CWC27: variants seen among roughly 807,000 people sequenced by gnomAD.
The protein encoded by CWC27 is CWC27 spliceosome associated cyclophilin, also known as spliceosome-associated protein CWC27 homolog.
A neutral mutation model predicts 63.6 loss-of-function variants in CWC27; 47 were observed. The observed-to-expected ratio is 0.74, with a 90% CI of 0.58 to 0.94. The LOEUF is 0.94. CWC27 is among the 40% of genes least tolerant of loss of function. The probability of loss-of-function intolerance (pLI) is 0.00; values close to 1 mark genes in which losing one functional copy is unlikely to be tolerated. For synonymous variants in CWC27, 175 were observed against 179.8 expected, an observed-to-expected ratio of 0.97 and a Z score of 0.22; for missense variants, 495 against 554.3, an observed-to-expected ratio of 0.89 and a Z score of 1.07.
At chr5:65,000,253 A>C (rs1178844767) in intron 13 of CWC27, among the ~76,000 whole-genome samples, 1 of 152,076 alleles carries the variant, frequency 6.6e-6, no homozygotes, top group Admixed American at 6.5e-5. Flanking sequence ...CTGGGTGAAT[A>C]GTTCATAAAT....
At chr5:65,000,451 AG>A (rs1263189336) in intron 13 of CWC27, among the ~76,000 whole-genome samples, 1 of 151,918 alleles carries the variant, frequency 6.6e-6, no homozygotes, top group Non-Finnish European at 1.5e-5. Context: ...ATAGTTTTAT[AG>A]TTTCAGGTCT....
rs1287018387 is a variant in CWC27, at chr5:64,777,228, G to A, written c.139+2441G>A. On this transcript the variant is annotated intron_variant, in intron 2 of 13. Coordinates refer to ENST00000381070, the MANE Select transcript of CWC27 (RefSeq NM_005869.4). ...TTCACATCATTCTTGTCTCATCATG[G>A]TCCACACTTCATTGCTTATCTTTTA... 2.8e-4 allele frequency among the ~76,000 whole-genome samples: 43 copies of A among 152,002 alleles called. 1 individual carries two copies. The highest frequency in any genetic ancestry group is 1.5e-5 in the Non-Finnish European group (1 of 67,904).
chr5:64,862,399 C>T (rs545136722), intron 10 of CWC27, among the ~76,000 whole-genome samples: 2 of 152,294 alleles, frequency 1.3e-5, no homozygotes, highest in Admixed American at 1.3e-4. Context: ...AGAAAACACT[C>T]ATATACTTAT....
intron 13 of CWC27, among the ~76,000 whole-genome samples, chr5:65,002,376 T>C (rs1749746497): frequency 6.6e-6 from 1 of 152,146 alleles, no homozygotes; most frequent in Admixed American, 6.5e-5. Flanking sequence ...TTTTGCTTTT[T>C]AATTCCTTGA....
chr5:64,939,970 C>G (rs904034603), intron 11 of CWC27, among the ~76,000 whole-genome samples: 6 of 152,208 alleles, frequency 3.9e-5, no homozygotes, highest in African/African-American at 1.4e-4. Context: ...CCTTCCCCCA[C>G]CAAGCTGGGG....
At chr5:65,005,796 A>G (rs1214032900) in intron 13 of CWC27, among the ~76,000 whole-genome samples, 1 of 152,240 alleles carries the variant, frequency 6.6e-6, no homozygotes, top group South Asian at 2.1e-4. Context: ...AAAATTAAAT[A>G]TTCATAAGGC....
intron 10 of CWC27, among the ~76,000 whole-genome samples, chr5:64,831,903 G>A (rs1182495144): frequency 6.6e-6 from 1 of 151,844 alleles, no homozygotes; most frequent in South Asian, 2.1e-4. Context: ...TCACTCTGTT[G>A]TATGTACTAT....
intron 10 of CWC27, among the ~76,000 whole-genome samples, chr5:64,864,044 G>A (rs895374570): frequency 1.3e-5 from 2 of 152,096 alleles, no homozygotes; most frequent in Non-Finnish European, 2.9e-5. Flanking sequence ...ATTATTTTGA[G>A]ATATGCTTCC....
At chr5:64,815,408 A>C (rs1423980017) in intron 10 of CWC27, among the ~76,000 whole-genome samples, 1 of 152,178 alleles carries the variant, frequency 6.6e-6, no homozygotes, top group Non-Finnish European at 1.5e-5. Context: ...CTGGCTCTTA[A>C]AGCGTCTGCT....
chr5:64,900,272 A>G (rs1747470501), intron 11 of CWC27, among the ~76,000 whole-genome samples: 1 of 152,172 alleles, frequency 6.6e-6, no homozygotes, highest in African/African-American at 2.4e-5. Flanking sequence ...AATAGTTTGC[A>G]GTGTTACTTT....
chr5:64,962,968 A>G (rs1052296792), intron 11 of CWC27, among the ~76,000 whole-genome samples: 5 of 152,120 alleles, frequency 3.3e-5, no homozygotes, highest in Non-Finnish European at 7.4e-5. Flanking sequence ...AAGAGTTTCT[A>G]TTTTGTGAGA....
chr5:64,909,979 G>A (rs1747750004), intron 11 of CWC27, among the ~76,000 whole-genome samples: 1 of 152,178 alleles, frequency 6.6e-6, no homozygotes, highest in Admixed American at 6.5e-5. Flanking sequence ...TGCTGGCAAG[G>A]AGCTGTGATC....
intron 10 of CWC27, chr5:64,807,517 T>G: frequency 7.0e-7 from 1 of 1,437,268 alleles, no homozygotes; most frequent in South Asian, 1.5e-5. Flanking sequence ...ATCGGCACCC[T>G]TATATCTATT....
At chr5:64,938,239 A>T (rs887402305) in intron 11 of CWC27, among the ~76,000 whole-genome samples, 1 of 152,062 alleles carries the variant, frequency 6.6e-6, no homozygotes, top group Non-Finnish European at 1.5e-5. Context: ...GCAGTGGCTG[A>T]TACCGGTTTT....
rs559263544 is a variant in CWC27 at position 64,775,017 on chromosome 5, G to A, written c.139+230G>A. 5.3e-5 allele frequency among the ~76,000 whole-genome samples: 8 copies of A among 152,300 alleles called. No individual in the cohort carries two copies. In the South Asian group the frequency reaches 8.3e-4, roughly 16 times the overall value. Reference sequence around the variant, plus strand: ...GCAGTTTATCTCAACAAATAATACTGTGATCCTCTTTGGTCTTCTTTGCTA... The same window carrying A: ...GCAGTTTATCTCAACAAATAATACTATGATCCTCTTTGGTCTTCTTTGCTA... On this transcript the variant is annotated intron_variant, in intron 2 of 13. Coordinates refer to ENST00000381070, the MANE Select transcript of CWC27 (RefSeq NM_005869.4).
chr5:64,888,359 G>C (rs60317867), intron 11 of CWC27, among the ~76,000 whole-genome samples: 54,542 of 145,434 alleles, frequency 0.38, 10,856 homozygotes, highest in East Asian at 0.53. Flanking sequence ...ATAATATAAA[G>C]TATATAAATA....
chr5:65,003,938 C>T (rs1305303815), intron 13 of CWC27, among the ~76,000 whole-genome samples: 8 of 151,886 alleles, frequency 5.3e-5, no homozygotes, highest in Admixed American at 5.2e-4. Context: ...ACTGCCTCCC[C>T]AGCTCAAGCG....
intron 11 of CWC27, among the ~76,000 whole-genome samples, chr5:64,933,044 C>T (rs73107295): frequency 0.011 from 1,655 of 152,192 alleles, 25 homozygotes; most frequent in African/African-American, 0.038. Flanking sequence ...ATCTTGCTTT[C>T]AAGTTGTTGA....
intron 8 of CWC27, among the ~76,000 whole-genome samples, chr5:64,800,958 A>G (rs1468381424): frequency 2.0e-5 from 3 of 152,116 alleles, no homozygotes; most frequent in African/African-American, 7.2e-5. Context: ...CTTCTATTTG[A>G]AGGATTTGGG....
Sources: allele counts gnomAD v4.1 joint callset (sites outside exome capture counted in the v4.1 genomes callset), GRCh38; gene constraint gnomAD v4.1.1; transcripts MANE v1.5; gene names NCBI Gene and HGNC (gene_info 2026-07-23, HGNC 2026-07-21).